The following CUX1 variants were observed in gnomAD, a reference collection of about 807,000 sequenced individuals.
CUX1 encodes the protein protein CASP.
A neutral mutation model predicts 158.8 loss-of-function variants in CUX1; 31 were observed. The ratio of observed to expected loss-of-function variants is 0.20; its 90% CI spans 0.15 to 0.26. The LOEUF is 0.26. Among genes scored for constraint, CUX1 ranks in the 10% least tolerant of loss-of-function variants. The pLI is 1.00. For synonymous variants in CUX1, 879 were observed against 862.1 expected, an observed-to-expected ratio of 1.02 and a Z score of -0.34; for missense variants, 1,589 against 2,014.6, an observed-to-expected ratio of 0.79 and a Z score of 4.04.
chr7:102,278,588 G>A (rs1027750093), intron 18 of CUX1, among the ~76,000 whole-genome samples: 6 of 124,774 alleles, frequency 4.8e-5, no homozygotes, highest in East Asian at 2.3e-4. Flanking sequence ...GCGAAACTCC[G>A]TCTCAAAAAT....
chr7:102,137,821 C>T (rs1400260449), intron 8 of CUX1, among the ~76,000 whole-genome samples: 1 of 151,870 alleles, frequency 6.6e-6, no homozygotes, highest in Non-Finnish European at 1.5e-5. Flanking sequence ...CTTATTTCTC[C>T]CTAACATTAT....
rs144702855 is a variant in CUX1, at chr7:101,853,823, G to A, written c.30+36154G>A. Among the ~76,000 whole-genome samples, 475 of 152,236 alleles carry A rather than the reference G, an allele frequency of 3.1e-3. 1 individual carries two copies. The highest frequency in any genetic ancestry group is 0.011 in the African/African-American group (453 of 41,526). On this transcript the variant is annotated intron_variant, in intron 1 of 23. Coordinates refer to ENST00000292535, the MANE Select transcript of CUX1 (RefSeq NM_181552.4). The stretch of plus-strand genomic sequence containing the variant: ...CCACCTGTCTTCTAGGCACCAGGCT[G>A]GGGCATGTGCTGGGATATTCACTCA...
At chr7:101,827,254 T>TCTTCTCTTCTCTTC (rs2130981722) in intron 1 of CUX1, among the ~76,000 whole-genome samples, 1 of 117,260 alleles carries the variant, frequency 8.5e-6, no homozygotes, top group African/African-American at 3.1e-5. Flanking sequence ...CCTTCTCTTC[T>TCTTCTCTTCTCTTC]CTTCTCTTCT....
intron 16 of CUX1, among the ~76,000 whole-genome samples, chr7:102,274,615 C>T (rs1791471068): frequency 6.6e-6 from 1 of 152,172 alleles, no homozygotes; most frequent in Admixed American, 6.5e-5. Flanking sequence ...GACCCTGTCT[C>T]TAAAAAACAA....
At chr7:101,956,810 A>G (rs1401735015) in intron 2 of CUX1, among the ~76,000 whole-genome samples, 1 of 152,142 alleles carries the variant, frequency 6.6e-6, no homozygotes, top group Admixed American at 6.6e-5. Flanking sequence ...TTTGCTGGGC[A>G]TGGTGGTGTG....
At chr7:101,831,483 G>A (rs1794003086) in intron 1 of CUX1, among the ~76,000 whole-genome samples, 1 of 152,146 alleles carries the variant, frequency 6.6e-6, no homozygotes, top group East Asian at 1.9e-4. Context: ...GTAGAGGCGG[G>A]GTTTTGCCAT....
At chr7:102,200,213 T>C in intron 17 of CUX1, 41 bp downstream of exon 17, 1 of 1,527,584 alleles carries the variant, frequency 6.5e-7, no homozygotes, top group Non-Finnish European at 8.9e-7. Flanking sequence ...TCAAACTTAA[T>C]TAAGAGAATT....
At chr7:101,965,741 C>A (rs368466934) in intron 2 of CUX1, among the ~76,000 whole-genome samples, 7 of 146,424 alleles carry the variant, frequency 4.8e-5, no homozygotes, top group Non-Finnish European at 9.0e-5. Flanking sequence ...CCCAGCTACT[C>A]GGGAGGCTGA....
chr7:102,042,010 A>G lies in CUX1; in HGVS notation c.189+13865A>G, dbSNP rs571365405. Among the ~76,000 whole-genome samples, 136 of 152,066 alleles carry G rather than the reference A, an allele frequency of 8.9e-4. 1 individual carries two copies. The highest frequency in any genetic ancestry group is 3.1e-3 in the African/African-American group (127 of 41,486). On this transcript the variant is annotated intron_variant, in intron 3 of 23. Transcript: ENST00000292535. ...CTTACCAAGGCCTTATGCTTCTAAA[A>G]TGTAGAAGGGAGGATGTGTGTGTGA...
chr7:102,025,985 T>C (rs1819974574), intron 2 of CUX1, among the ~76,000 whole-genome samples: 1 of 152,126 alleles, frequency 6.6e-6, no homozygotes, highest in Non-Finnish European at 1.5e-5. Context: ...AAGACCAGCC[T>C]GGGCAACATA....
intron 1 of CUX1, among the ~76,000 whole-genome samples, chr7:101,850,279 C>A (rs1410648628): frequency 6.6e-6 from 1 of 151,906 alleles, no homozygotes. Flanking sequence ...TGCATGTTTT[C>A]TTTTCTTCAA....
intron 9 of CUX1, among the ~76,000 whole-genome samples, chr7:102,162,203 G>A (rs1440077783): frequency 6.6e-6 from 1 of 152,186 alleles, no homozygotes; most frequent in Non-Finnish European, 1.5e-5. Context: ...AGAAAGGCCA[G>A]GGGACGGAGC....
At chr7:102,212,387 C>T (rs1490751644) in intron 20 of CUX1, among the ~76,000 whole-genome samples, 1 of 152,180 alleles carries the variant, frequency 6.6e-6, no homozygotes, top group Non-Finnish European at 1.5e-5. Context: ...CCACTCGTCA[C>T]ACACCCTTGG....
At chr7:102,127,109 T>G (rs1832722610) in intron 8 of CUX1, among the ~76,000 whole-genome samples, 1 of 152,216 alleles carries the variant, frequency 6.6e-6, no homozygotes, top group Non-Finnish European at 1.5e-5. Flanking sequence ...GAAGCTTCCC[T>G]CCTGCAGCGC....
At chr7:102,280,957 C>T (rs1792023008) in intron 20 of CUX1, 7 of 1,151,352 alleles carry the variant, frequency 6.1e-6, no homozygotes, top group East Asian at 2.4e-5. Context: ...CTGGAGGAGC[C>T]GCCAGCCCTG....
Position 102,248,840 on chromosome 7 carries a change from C to T in CUX1, c.4316C>T (p.Pro1439Leu), listed in dbSNP as rs781788885. ...GEGPAAPSSA[P>L]PPSNSSSSSA... The stretch of plus-strand genomic sequence containing the variant: ...GGCCCCGCGGCCCCGAGCTCCGCGC[C>T]GCCGCCCAGCAACAGCAGCAGCAGC... Residue 1439 changes from proline to leucine, a missense_variant, in exon 24 of 24, where the codon CCG (proline) becomes CTG (leucine). Transcript: ENST00000292535. The surrounding 1 kb of genome is among the most constrained non-coding windows in gnomAD (Gnocchi z 5.8). 9.7e-6 allele frequency: 12 copies of T among 1,235,774 alleles called. No individual in the cohort carries two copies. Among genetic ancestry groups the T allele is most frequent in the Middle Eastern group, 6.5e-4 (2 of 3,074 alleles). 76.6% of individuals were successfully genotyped at this position (1,235,774 alleles called of 1,614,324 possible).
intron 9 of CUX1, among the ~76,000 whole-genome samples, chr7:102,167,194 G>T (rs1249485647): frequency 6.6e-6 from 1 of 151,702 alleles, no homozygotes; most frequent in African/African-American, 2.4e-5. Flanking sequence ...CTTCATCCTG[G>T]GAGGTGGAGG....
At chr7:101,857,971 A>T (rs1454825959) in intron 1 of CUX1, among the ~76,000 whole-genome samples, 1 of 152,098 alleles carries the variant, frequency 6.6e-6, no homozygotes, top group Non-Finnish European at 1.5e-5. Flanking sequence ...AAAAATACAA[A>T]AATTAGCCGA....
intron 1 of CUX1, among the ~76,000 whole-genome samples, chr7:101,887,409 C>T (rs543456199): frequency 6.6e-6 from 1 of 152,146 alleles, no homozygotes; most frequent in East Asian, 1.9e-4. Flanking sequence ...TGGGCTCAAG[C>T]AGTCCTCCTA....
Sources: gnomAD v4.1 joint callset for allele counts (sites outside exome capture counted in the v4.1 genomes callset) on GRCh38, gnomAD v4.1.1 for gene constraint, Gnocchi (gnomAD v3.1) non-coding constraint, MANE v1.5 for transcripts, NCBI Gene and HGNC (gene_info 2026-07-23, HGNC 2026-07-21) for gene names.